The following ZNF611 variants were observed in gnomAD, a reference collection of about 807,000 sequenced individuals.
ZNF611 encodes zinc finger protein 611.
In ZNF611, 6 loss-of-function variants were observed where a neutral mutation model predicts 8.9. That is an observed-to-expected ratio of 0.68 (90% CI 0.37 to 1.34). ZNF611 has a LOEUF of 1.34. Among genes scored for constraint, ZNF611 ranks in the 40% most tolerant of loss-of-function variants. ZNF611 has a pLI of 0.02. For missense variants in ZNF611, 874 were observed against 841.3 expected (o/e 1.04, Z -0.48); for synonymous variants, 262 against 279.7 (o/e 0.94, Z 0.63).
intron 4 of ZNF611, among the ~76,000 whole-genome samples, chr19:52,715,540 C>T (rs1434303394): frequency 6.6e-6 from 1 of 152,160 alleles, no homozygotes; most frequent in Admixed American, 6.5e-5. Flanking sequence ...CGTGAACAAC[C>T]CAGGCTGCCC....
rs397859789 is a variant in ZNF611 at position 52,729,492 on chromosome 19, CAAAAAAAAA to C, written c.-122+405_-122+413del. 8.0e-4 allele frequency among the ~76,000 whole-genome samples: 34 copies of C among 42,358 alleles called. No individual in the cohort carries two copies. In the South Asian group the frequency reaches 0.033, roughly 41 times the overall value. 27.8% of individuals were successfully genotyped at this position (42,358 alleles called of 152,430 possible). A position where few individuals can be genotyped will look rare whatever the true frequency, so the allele number is the denominator to read the frequency against. On this transcript the variant is annotated intron_variant, in intron 2 of 5. Transcript: ENST00000652185. ...TGGGTGACAGAGCGAGACTCCATCTCAAAAAAAAAAAAAAAAAAAAAAAAAAGAAAAGAA... is the reference window on the plus strand; with the variant it reads ...TGGGTGACAGAGCGAGACTCCATCTCAAAAAAAAAAAAAAAAAGAAAAGAA...
intron 3 of ZNF611, among the ~76,000 whole-genome samples, chr19:52,726,871 T>G (rs2062396794): frequency 3.3e-5 from 5 of 152,250 alleles, no homozygotes; most frequent in Admixed American, 2.0e-4. Context: ...CTTTTTTCTT[T>G]CCTTTTACTT....
intron 4 of ZNF611, 83 bp from the exon 5 acceptor site, chr19:52,714,224 G>C (rs2062299868): frequency 9.6e-6 from 15 of 1,566,364 alleles, no homozygotes; most frequent in Non-Finnish European, 1.3e-5. Flanking sequence ...GAGAAAATAA[G>C]TATTTATTTG....
intron 5 of ZNF611, among the ~76,000 whole-genome samples, chr19:52,713,329 A>C (rs141608470): frequency 0.047 from 7,155 of 152,336 alleles, 208 homozygotes; most frequent in Middle Eastern, 0.11. Context: ...AGATTGATGA[A>C]AACCATATCT....
At chr19:52,726,722 G>GTTTTTTTTTT (rs56146245) in intron 3 of ZNF611, among the ~76,000 whole-genome samples, 1 of 130,304 alleles carries the variant, frequency 7.7e-6, no homozygotes, top group Non-Finnish European at 1.7e-5. Flanking sequence ...TCGGCCTTGT[G>GTTTTTTTTTT]TTTTTTTTTT....
intron 3 of ZNF611, among the ~76,000 whole-genome samples, chr19:52,716,457 G>A (rs531264550): frequency 3.9e-5 from 6 of 152,332 alleles, no homozygotes; most frequent in South Asian, 2.1e-4. Flanking sequence ...CAGAGGGGGC[G>A]AGCCCAGCAC....
At chr19:52,712,637 GAAA>G (rs56301635) in intron 5 of ZNF611, among the ~76,000 whole-genome samples, 1 of 138,552 alleles carries the variant, frequency 7.2e-6, no homozygotes, top group Non-Finnish European at 1.6e-5. Flanking sequence ...TACTCCGTCT[GAAA>G]AAAAAAAAAA....
rs573007211 is a variant in ZNF611, at chr19:52,704,228, G to C, written c.*709C>G. ...AAGTCAATGCTGAATTGACTCCAAT[G>C]TCAATTAATGCTTGATGGTTTGCTA... On this transcript the variant is annotated 3_prime_UTR_variant, in exon 6 of 6. Transcript: ENST00000652185. 1 of 425,654 alleles carries C rather than the reference G, an allele frequency of 2.3e-6. No homozygotes were observed. Among genetic ancestry groups the C allele is most frequent in the African/African-American group, 2.1e-5 (1 of 48,416 alleles). 26.4% of individuals were successfully genotyped at this position (425,654 alleles called of 1,614,324 possible).
intron 5 of ZNF611, 47 bp from the exon 6 acceptor site, chr19:52,706,911 A>G (rs1238763926): frequency 1.3e-6 from 2 of 1,568,906 alleles, no homozygotes; most frequent in Non-Finnish European, 1.7e-6. Flanking sequence ...TACAGATGGT[A>G]AATCACACTG....
intron 1 of ZNF611, among the ~76,000 whole-genome samples, chr19:52,732,938 A>G (rs1330876899): frequency 6.6e-6 from 1 of 150,500 alleles, no homozygotes; most frequent in Middle Eastern, 3.2e-3. Flanking sequence ...TGGGTGATAG[A>G]GTCAGACCCT....
chr19:52,720,476 T>A (rs1402240428), intron 3 of ZNF611, among the ~76,000 whole-genome samples: 1 of 70,548 alleles, frequency 1.4e-5, no homozygotes, highest in African/African-American at 7.6e-5. Context: ...ACCTCCCAGA[T>A]GGGGCGGCCG....
Position 52,702,969 on chromosome 19 carries a change from TA to T in ZNF611, c.*1967del, listed in dbSNP as rs2062214477. On this transcript the variant is annotated 3_prime_UTR_variant, in exon 6 of 6. Transcript: ENST00000652185. ...TGATATGAACTGGATGCAACTAATT[TA>T]AAACAGCAACTATTTTGAAATTGTT... The T allele has an allele frequency of 6.6e-6, 1 of 152,142 alleles. No homozygotes were observed. The highest frequency in any genetic ancestry group is 1.5e-5 in the Non-Finnish European group (1 of 68,034). 9.4% of individuals were successfully genotyped at this position (152,142 alleles called of 1,614,324 possible).
At chr19:52,731,538 AT>A (rs879477919) in intron 1 of ZNF611, among the ~76,000 whole-genome samples, 67 of 138,864 alleles carry the variant, frequency 4.8e-4, no homozygotes, top group Admixed American at 7.1e-4. Flanking sequence ...TAATTTTTGT[AT>A]TTTTTTTTTT....
intron 3 of ZNF611, among the ~76,000 whole-genome samples, chr19:52,727,907 C>CTT (rs11319896): frequency 3.0e-4 from 32 of 105,876 alleles, no homozygotes; most frequent in South Asian, 6.1e-4. Context: ...TGTTGTGTGC[C>CTT]TTTTTTTTTT....
intron 3 of ZNF611, 99 bp from the exon 4 acceptor site, chr19:52,716,012 AG>A: frequency 7.4e-7 from 1 of 1,355,310 alleles, no homozygotes; most frequent in African/African-American, 1.4e-5. Context: ...TGTAGAAAGA[AG>A]TCCCCCACTG....
Position 52,714,097 on chromosome 19 carries a change from T to C in ZNF611, c.108A>G (p.Ala36=), listed in dbSNP as rs566528679. Residue 36 remains alanine, a synonymous_variant, in exon 5 of 6, where the codon GCA becomes GCG. Transcript: ENST00000652185. Reference sequence around the variant, plus strand: ...GTGAAGGGTTCAGGCATTTCCACTCTGCCAATGAGAATTCTATAGCCACAT... The same window carrying C: ...GTGAAGGGTTCAGGCATTTCCACTCCGCCAATGAGAATTCTATAGCCACAT... The part of the protein sequence containing the change: ...FRDVAIEFSL[A]EWKCLNPSQR... The C allele has an allele frequency of 6.2e-7, 1 of 1,613,942 alleles. No homozygotes were observed. Among genetic ancestry groups the C allele is most frequent in the East Asian group, 2.2e-5 (1 of 44,878 alleles).
At chr19:52,717,393 G>T (rs750317287) in intron 3 of ZNF611, among the ~76,000 whole-genome samples, 23 of 152,166 alleles carry the variant, frequency 1.5e-4, no homozygotes, top group Admixed American at 2.6e-4. Context: ...GCAGCTGAGG[G>T]GAAGAGAGTC....
intron 5 of ZNF611, among the ~76,000 whole-genome samples, chr19:52,709,190 G>C (rs2062264122): frequency 6.6e-6 from 1 of 151,946 alleles, no homozygotes; most frequent in African/African-American, 2.4e-5. Flanking sequence ...GTTTTGTAAT[G>C]GGTGTTGACT....
chr19:52,705,095 T>C lies in ZNF611; in HGVS notation c.1960A>G (p.Ile654Val), dbSNP rs747030634. 15 of 1,613,550 alleles carry C rather than the reference T, an allele frequency of 9.3e-6. No individual in the cohort carries two copies. Among genetic ancestry groups the C allele is most frequent in the Admixed American group, 3.3e-5 (2 of 59,936 alleles). ...TTACGCACGAAAGCCTTGTCACAAA[T>C]TGTACATTTGTAAGATTTCTCTCCA... The part of the protein sequence containing the change: ...HTGEKSYKCT[I>V]CDKAFVRNSL... The change falls in exon 6 of 6, where the codon ATT becomes GTT. Residue 654 changes from isoleucine (I) to valine (V), a missense_variant. Physicochemically the swap from Ile to Val is conservative, Grantham distance 29 (BLOSUM62 3). Transcript: ENST00000652185.
Sources: allele counts gnomAD v4.1 joint callset (sites outside exome capture counted in the v4.1 genomes callset), GRCh38; gene constraint gnomAD v4.1.1; transcripts MANE v1.5; gene names NCBI Gene and HGNC (gene_info 2026-07-23, HGNC 2026-07-21).